The following CECR2 variants were observed in gnomAD, a reference collection of about 807,000 sequenced individuals.
CECR2 encodes CECR2 histone acetyl-lysine reader.
CECR2 carries 30 observed loss-of-function variants against 154.5 expected under a neutral mutation model. The observed-to-expected ratio is 0.19, with a 90% confidence interval of 0.15 to 0.26. The LOEUF is 0.26. CECR2 is among the 10% of genes least tolerant of loss of function. The pLI is 1.00. For missense variants in CECR2, 1,743 were observed against 1,829.3 expected, an observed-to-expected ratio of 0.95 and a Z score of 0.86; for synonymous variants, 725 against 683.7, an observed-to-expected ratio of 1.06 and a Z score of -0.94.
chr22:17,414,501 C>T (rs200002528), intron 1 of CECR2, among the ~76,000 whole-genome samples: 12 of 132,450 alleles, frequency 9.1e-5, no homozygotes, highest in South Asian at 2.4e-4. Flanking sequence ...TATCAGTTTT[C>T]TTTTTTTTTT....
In CECR2 at chr22:17,362,642, G is replaced by A. The variant is rs188796804; in HGVS notation, c.-364+2619G>A. Among the ~76,000 whole-genome samples, 5 of 152,054 alleles carry A rather than the reference G, an allele frequency of 3.3e-5. No individual in the cohort carries two copies. In the East Asian group the frequency reaches 7.7e-4, roughly 24 times the overall value. On this transcript the variant is annotated intron_variant, in intron 1 of 18. Transcript: ENST00000400585. ...TATCTGGCTGGGCTCGGTGGCTCAC[G>A]CCTGTAATCCCAGTACTTTGGGAGG...
intron 1 of CECR2, among the ~76,000 whole-genome samples, chr22:17,448,887 T>A (rs2054720717): frequency 6.6e-6 from 1 of 151,774 alleles, no homozygotes; most frequent in Non-Finnish European, 1.5e-5. Flanking sequence ...ATTATTTATT[T>A]ATTTTTTTTG....
In CECR2 at chr22:17,455,878, C is replaced by T. The variant is rs187752062; in HGVS notation, c.127-21710C>T. On this transcript the variant is annotated intron_variant, in intron 1 of 18. Coordinates refer to ENST00000262608, the MANE Select transcript of CECR2 (RefSeq NM_001290047.2). ...CGCCTGGGATTATAGGTGTGAGCCA[C>T]GGTGCCCAGCCCCAAACAGCACACA... Among the ~76,000 whole-genome samples, 194 of 152,274 alleles carry T rather than the reference C, an allele frequency of 1.3e-3. 4 individuals carry two copies. The Middle Eastern group carries it at 0.034, about 27-fold the overall frequency.
intron 1 of CECR2, among the ~76,000 whole-genome samples, chr22:17,414,525 T>C (rs1407432390): frequency 2.6e-5 from 4 of 151,920 alleles, no homozygotes; most frequent in Non-Finnish European, 5.9e-5. Flanking sequence ...GATTTTTTTT[T>C]ATTATTATAC....
At chr22:17,375,126 A>AT (rs1491145126) in intron 1 of CECR2, among the ~76,000 whole-genome samples, 2 of 151,670 alleles carry the variant, frequency 1.3e-5, no homozygotes, top group African/African-American at 4.8e-5. Flanking sequence ...ATATATATAT[A>AT]TTTTTGAGTC....
At position 17,542,390 on chromosome 22, in the gene CECR2, T is replaced by G; in HGVS notation, c.2247T>G (p.Pro749=). ...GGAPARPPDF[P]ESSEIPPSHM... ...CTCCAGCCCGGCCACCAGACTTTCC[T>G]GAAAGCTCAGAAATTCCTCCCAGCC... The change falls in exon 16 of 19, where the codon CCT becomes CCG. Residue 749 remains proline (P), a synonymous_variant. Transcript: ENST00000262608. The G allele has an allele frequency of 6.2e-7, 1 of 1,613,750 alleles. No individual in the cohort carries two copies. The highest frequency in any genetic ancestry group is 8.5e-7 in the Non-Finnish European group (1 of 1,179,872).
At chr22:17,534,575 T>C (rs2056408448) in intron 9 of CECR2, among the ~76,000 whole-genome samples, 1 of 151,226 alleles carries the variant, frequency 6.6e-6, no homozygotes, top group Admixed American at 6.6e-5. Flanking sequence ...TGGCACAATC[T>C]CAGCTCACTG....
chr22:17,548,170 A>G lies in CECR2; in HGVS notation c.2883A>G (p.Glu961=). Residue 961 remains glutamate (E), a synonymous_variant, in exon 17 of 19, where the codon GAA becomes GAG. Coordinates refer to ENST00000262608, the MANE Select transcript of CECR2 (RefSeq NM_001290047.2). Reference sequence around the variant, plus strand: ...CAGCAGAGCCGTTGCCTGGCCTTGAAGAGAAACCACCAGGTGTTGGTACTT... The same window carrying G: ...CAGCAGAGCCGTTGCCTGGCCTTGAGGAGAAACCACCAGGTGTTGGTACTT... ...NDQAEPLPGL[E]EKPPGVGTSE... The G allele has an allele frequency of 6.4e-7, 1 of 1,557,774 alleles. No homozygotes were observed. Among genetic ancestry groups the G allele is most frequent in the Non-Finnish European group, 8.7e-7 (1 of 1,151,896 alleles).
At position 17,548,987 on chromosome 22, in the gene CECR2, A is replaced by G. The variant is rs770661461; in HGVS notation, c.3700A>G (p.Arg1234Gly). 4.3e-6 allele frequency: 7 copies of G among 1,613,878 alleles called. No individual in the cohort carries two copies. The Admixed American group carries it at 6.7e-5, about 15-fold the overall frequency. Residue 1234 changes from arginine to glycine, a missense_variant, in exon 17 of 19, where the codon AGG (arginine) becomes GGG (glycine). By Grantham distance (125) the Arg-to-Gly change is moderately radical. Coordinates refer to ENST00000262608, the MANE Select transcript of CECR2 (RefSeq NM_001290047.2). ...CCCAGCCAGTCAGCCTCCCCCACCA[A>G]GGTCCCTCTTCTCAGATAAGAATGC... ...GPPASQPPPP[R>G]SLFSDKNAMA...
intron 2 of CECR2, among the ~76,000 whole-genome samples, chr22:17,490,909 C>A (rs572308731): frequency 6.6e-6 from 1 of 151,982 alleles, no homozygotes; most frequent in South Asian, 2.1e-4. Flanking sequence ...CACTTCCCAG[C>A]GTCACTATTC....
At chr22:17,380,861 C>CCGGTT (rs1569043334) in intron 1 of CECR2, among the ~76,000 whole-genome samples, 18 of 152,210 alleles carry the variant, frequency 1.2e-4, no homozygotes, top group South Asian at 8.3e-4. Flanking sequence ...TAATGAACAG[C>CCGGTT]CCTACCCTGA....
chr22:17,419,707 G>GGCTGTTTCCTC, intron 1 of CECR2: 5 of 187,992 alleles, frequency 2.7e-5, no homozygotes, highest in Middle Eastern at 4.7e-4. Context: ...GCGAGCTGGA[G>GGCTGTTTCCTC]CTAGAGAGCT....
chr22:17,394,830 A>G (rs1294146982), intron 1 of CECR2, among the ~76,000 whole-genome samples: 1 of 152,086 alleles, frequency 6.6e-6, no homozygotes, highest in East Asian at 1.9e-4. Flanking sequence ...AATGTTTTAT[A>G]CTTCTCCAAG....
intron 8 of CECR2, among the ~76,000 whole-genome samples, chr22:17,516,903 G>A (rs564165100): frequency 6.6e-6 from 1 of 151,820 alleles, no homozygotes; most frequent in Admixed American, 6.6e-5. Context: ...TGATCTGGTT[G>A]TTTATTGTTT....
Position 17,548,979 on chromosome 22 carries a change from C to G in CECR2, c.3692C>G (p.Pro1231Arg), listed in dbSNP as rs1322502713. The G allele has an allele frequency of 1.9e-6, 3 of 1,613,860 alleles. No homozygotes were observed. The highest frequency in any genetic ancestry group is 1.7e-6 in the Non-Finnish European group (2 of 1,179,898). ...AGCGGACCCCCAGCCAGTCAGCCTC[C>G]CCCACCAAGGTCCCTCTTCTCAGAT... ...SPSGPPASQP[P>R]PPRSLFSDKN... Residue 1231 changes from proline to arginine, a missense_variant, in exon 17 of 19, where the codon CCC (proline) becomes CGC (arginine). Around this residue, in one of 4 missense-constraint regions of CECR2, gnomAD observed 1,250 missense variants for 1,192.1 expected, o/e 1.05. Transcript: ENST00000262608.
chr22:17,372,879 T>C (rs2063076706), intron 1 of CECR2, among the ~76,000 whole-genome samples: 1 of 152,054 alleles, frequency 6.6e-6, no homozygotes, highest in Admixed American at 6.6e-5. Flanking sequence ...AACTCATGGA[T>C]TTATAGAAAA....
At chr22:17,493,431 T>G (rs1261347680) in intron 2 of CECR2, among the ~76,000 whole-genome samples, 3 of 152,188 alleles carry the variant, frequency 2.0e-5, no homozygotes, top group East Asian at 3.8e-4. Flanking sequence ...GATTTTTAGC[T>G]TCCTGAAGCC....
chr22:17,476,586 G>A (rs539761795), intron 1 of CECR2, among the ~76,000 whole-genome samples: 52 of 152,304 alleles, frequency 3.4e-4, no homozygotes, highest in Non-Finnish European at 6.2e-4. Flanking sequence ...TGTAATTGCT[G>A]TTAAGATCAC....
chr22:17,519,814 C>T (rs2056125118), intron 8 of CECR2, among the ~76,000 whole-genome samples: 1 of 140,250 alleles, frequency 7.1e-6, no homozygotes, highest in South Asian at 2.3e-4. Context: ...TTTTTTGAGA[C>T]ATAATCTCAC....
Sources: gnomAD v4.1 joint callset for allele counts (sites outside exome capture counted in the v4.1 genomes callset) on GRCh38, gnomAD v4.1.1 for gene constraint, gnomAD v4.1.1 regional missense constraint, MANE v1.5 for transcripts, NCBI Gene and HGNC (gene_info 2026-07-23, HGNC 2026-07-21) for gene names.